Variants in STAT6 observed in about 807,000 individuals in gnomAD.
The protein encoded by STAT6 is signal transducer and activator of transcription 6, also known as STAT, interleukin4-induced.
In STAT6, 45 loss-of-function variants were observed where a neutral mutation model predicts 106.3. The observed-to-expected ratio is 0.42, with a 90% CI of 0.33 to 0.54. The LOEUF is 0.54. STAT6 is among the 20% of genes least tolerant of loss of function. The pLI is 0.06. For missense variants in STAT6, 797 were observed against 1,062.2 expected, an observed-to-expected ratio of 0.75 and a Z score of 3.47; for synonymous variants, 413 against 413.6, an observed-to-expected ratio of 1.00 and a Z score of 0.02.
At chr12:57,097,218 C>G in intron 19 of STAT6, 85 bp from the exon 20 acceptor site, 1 of 1,126,010 alleles carries the variant, frequency 8.9e-7, no homozygotes, top group Non-Finnish European at 1.2e-6. Flanking sequence ...AGTGAGGAAA[C>G]AAGCTCCAGC....
chr12:57,097,991 G>A (rs73118432), intron 19 of STAT6, among the ~76,000 whole-genome samples: 13,719 of 152,080 alleles, frequency 0.09, 634 homozygotes, highest in East Asian at 0.16. Flanking sequence ...CATGCTGCTC[G>A]GGTTTAAAGC....
In STAT6 at chr12:57,098,592, T is replaced by C; in HGVS notation, c.2072A>G (p.Gln691Arg). Residue 691 changes from glutamine (Q) to arginine (R), a missense_variant, in exon 19 of 22, where the codon CAG becomes CGG. Coordinates refer to ENST00000300134, the MANE Select transcript of STAT6 (RefSeq NM_003153.5). ...SMQLGPDMVP[Q>R]VYPPHSHSIP... ...GGAGTGAGAGTGTGGTGGGTACACC[T>C]GGGGCCTGGGGAAAGAAAACAGACC... is the stretch of plus-strand genomic sequence containing the variant. 6.2e-7 allele frequency: 1 copy of C among 1,613,232 alleles called. No homozygotes were observed.
chr12:57,100,469 C>T (rs950183926), intron 13 of STAT6, among the ~76,000 whole-genome samples: 6 of 151,988 alleles, frequency 3.9e-5, no homozygotes, highest in African/African-American at 1.5e-4. Context: ...CTATGCTACA[C>T]CCTCTCCCTA....
At chr12:57,107,030 C>T (rs1163284153) in intron 4 of STAT6, among the ~76,000 whole-genome samples, 199 bp from the exon 5 acceptor site, 3 of 152,210 alleles carry the variant, frequency 2.0e-5, no homozygotes, top group Admixed American at 6.5e-5. Flanking sequence ...CTGTTCTCCC[C>T]GGCCTCTTAC....
chr12:57,102,209 C>G lies in STAT6; in HGVS notation c.1512+81G>C. 3 of 1,475,240 alleles carry G rather than the reference C, an allele frequency of 2.0e-6. No homozygotes were observed. The South Asian group carries it at 3.5e-5, about 17-fold the overall frequency. 91.4% of individuals were successfully genotyped at this position (1,475,240 alleles called of 1,614,324 possible). ...CTGTGGAGAATCCAGTGGAAGGTCC[C>G]TGCATGGAGGCTGAGCAGGCCCTGA... is the stretch of plus-strand genomic sequence containing the variant. On this transcript the variant is annotated intron_variant, in intron 13 of 21. Coordinates refer to ENST00000300134, the MANE Select transcript of STAT6 (RefSeq NM_003153.5).
Position 57,104,597 on chromosome 12 carries a change from G to C in STAT6, c.1090-11C>G. 6.2e-7 allele frequency: 1 copy of C among 1,613,904 alleles called. No individual in the cohort carries two copies. Among genetic ancestry groups the C allele is most frequent in the Non-Finnish European group, 8.5e-7 (1 of 1,179,900 alleles). On this transcript the variant is annotated splice_polypyrimidine_tract_variant and intron_variant, in intron 10 of 21. Coordinates refer to ENST00000300134, the MANE Select transcript of STAT6 (RefSeq NM_003153.5). The stretch of plus-strand genomic sequence containing the variant: ...GATCTTCTTGAGAAGCTGTGGGTGG[G>C]GTGAGGGAGAGCAAGGGCGAGGTCA...
intron 13 of STAT6, among the ~76,000 whole-genome samples, chr12:57,100,686 A>G (rs909624287): frequency 1.1e-4 from 6 of 56,026 alleles, no homozygotes; most frequent in African/African-American, 3.7e-4. Flanking sequence ...GAAAGAAAGA[A>G]AGAAAGAAAG....
At position 57,106,480 on chromosome 12, in the gene STAT6, T is replaced by A. The variant is rs112724164; in HGVS notation, c.531+48A>T. On this transcript the variant is annotated intron_variant, in intron 6 of 21. Transcript: ENST00000300134. Reference sequence around the variant, plus strand: ...CTTTCTGAGGTCTAGCTTCCATCCCTCCAGCTGCACTTTGACCAAGGTCTC... The same window carrying A: ...CTTTCTGAGGTCTAGCTTCCATCCCACCAGCTGCACTTTGACCAAGGTCTC... The A allele has an allele frequency of 5.2e-5, 84 of 1,612,138 alleles. 1 individual carries two copies. In the African/African-American group the frequency reaches 7.6e-4, roughly 15 times the overall value.
In STAT6 at chr12:57,106,231, C is replaced by T; in HGVS notation, c.640G>A (p.Gly214Ser). The T allele has an allele frequency of 6.2e-7, 1 of 1,614,238 alleles. No homozygotes were observed. The highest frequency in any genetic ancestry group is 8.5e-7 in the Non-Finnish European group (1 of 1,180,042). ...WKRQQQLAGN[G>S]APFEESLAPL... The stretch of plus-strand genomic sequence containing the variant: ...GCCAGGCTCTCCTCAAACGGTGCGC[C>T]ATTCCCTGCCAGCTGCTGCTGCCGT... The change falls in exon 7 of 22, where the codon GGC becomes AGC. Residue 214 changes from glycine to serine, a missense_variant. Physicochemically the swap from Gly to Ser is moderately conservative, Grantham distance 56 (BLOSUM62 0). Coordinates refer to ENST00000300134, the MANE Select transcript of STAT6 (RefSeq NM_003153.5).
chr12:57,108,370 G>A, intron 1 of STAT6, 71 bp from the exon 2 acceptor site: 1 of 799,554 alleles, frequency 1.3e-6, no homozygotes. Context: ...GGCAGCCAGG[G>A]ACCTCCCATA....
rs1361053966 is a variant in STAT6, at chr12:57,099,955, C to T, written c.1607+41G>A. The T allele has an allele frequency of 6.2e-7, 1 of 1,614,152 alleles. No homozygotes were observed. The highest frequency in any genetic ancestry group is 8.5e-7 in the Non-Finnish European group (1 of 1,180,014). On this transcript the variant is annotated intron_variant, in intron 14 of 21. Transcript: ENST00000300134. This position sits in a 1 kb window ranked among gnomAD's most constrained non-coding sequence, Gnocchi z 4.7. Reference sequence around the variant, plus strand: ...GCATGGGCAGTGAGTATGGAGGTGACTGGTGTATGGCTGCTCAGACTACCC... The same window carrying T: ...GCATGGGCAGTGAGTATGGAGGTGATTGGTGTATGGCTGCTCAGACTACCC...
intron 11 of STAT6, 159 bp downstream of exon 11, chr12:57,104,305 G>A: frequency 9.7e-7 from 1 of 1,033,522 alleles, no homozygotes; most frequent in Non-Finnish European, 1.4e-6. Flanking sequence ...TGCACTCCAT[G>A]CTCTTGCTCA....
rs569128886 is a variant in STAT6, at chr12:57,097,689, C to T, written c.2160-556G>A. On this transcript the variant is annotated intron_variant, in intron 19 of 21. Transcript: ENST00000300134. ...CTGTAATCCTAACGCTTTGGGAGGC[C>T]GAGGTGGGAGGATCACTTAAGCCCA... 5.9e-5 allele frequency among the ~76,000 whole-genome samples: 9 copies of T among 152,150 alleles called. No individual in the cohort carries two copies. The South Asian group carries it at 6.2e-4, about 11-fold the overall frequency.
In STAT6 at chr12:57,096,459, G is replaced by GA; in HGVS notation, c.*112dup. 9.6e-7 allele frequency: 1 copy of GA among 1,040,416 alleles called. No homozygotes were observed. Among genetic ancestry groups the GA allele is most frequent in the Admixed American group, 2.5e-5 (1 of 39,574 alleles). The allele number at this position is 1,040,416 out of a possible 1,614,324, so 64.4% of individuals were successfully genotyped here. On this transcript the variant is annotated 3_prime_UTR_variant, in exon 22 of 22. Coordinates refer to ENST00000300134, the MANE Select transcript of STAT6 (RefSeq NM_003153.5). The stretch of plus-strand genomic sequence containing the variant: ...TCCTCCTGACCCAGGAGTAGGTGGG[G>GA]ATAGGAGGGCACCCTCCCCATCTGC...
chr12:57,102,330 G>C lies in STAT6; in HGVS notation c.1472C>G (p.Ala491Gly). The C allele has an allele frequency of 6.2e-7, 1 of 1,614,150 alleles. No individual in the cohort carries two copies. Among genetic ancestry groups the C allele is most frequent in the Non-Finnish European group, 8.5e-7 (1 of 1,180,014 alleles). ...IFNDNSLSME[A>G]FQHRSVSWSQ... Reference sequence around the variant, plus strand: ...CCAGGACACAGAACGGTGCTGGAAGGCCTCCATACTGAGGCTGTTGTCATT... The same window carrying C: ...CCAGGACACAGAACGGTGCTGGAAGCCCTCCATACTGAGGCTGTTGTCATT... Residue 491 changes from alanine (A) to glycine (G), a missense_variant, in exon 13 of 22, where the codon GCC becomes GGC. Physicochemically the swap from Ala to Gly is moderately conservative, Grantham distance 60 (BLOSUM62 0). Around this residue, in one of 4 missense-constraint regions of STAT6, gnomAD observed 222 missense variants for 354.6 expected, o/e 0.63. Transcript: ENST00000300134.
In STAT6 at chr12:57,107,307, T is replaced by C; in HGVS notation, c.263A>G (p.Tyr88Cys). The C allele has an allele frequency of 6.2e-7, 1 of 1,614,052 alleles. No individual in the cohort carries two copies. Among genetic ancestry groups the C allele is most frequent in the Non-Finnish European group, 8.5e-7 (1 of 1,179,884 alleles). ...CACCAGCTTCAGGGGGTCCCTCTGA[T>C]ATATGCTCTACAGAAATGAGGGTGG... ...LQHISTLESI[Y>C]QRDPLKLVAT... The change falls in exon 4 of 22, where the codon TAT (tyrosine) becomes TGT (cysteine). Residue 88 changes from tyrosine (Y) to cysteine (C), a missense_variant. Transcript: ENST00000300134.
chr12:57,106,891 C>T, intron 4 of STAT6, 60 bp from the exon 5 acceptor site: 1 of 1,601,806 alleles, frequency 6.2e-7, no homozygotes, highest in Non-Finnish European at 8.5e-7. Context: ...CTATACCTGG[C>T]CTCCACTCTC....
Position 57,096,929 on chromosome 12 carries a change from G to A in STAT6, c.2275C>T (p.Pro759Ser). 1 of 1,614,182 alleles carries A rather than the reference G, an allele frequency of 6.2e-7. No homozygotes were observed. The highest frequency in any genetic ancestry group is 8.5e-7 in the Non-Finnish European group (1 of 1,180,032). Residue 759 changes from proline (P) to serine (S), a missense_variant, in exon 21 of 22, where the codon CCC becomes TCC. This residue lies in a region of STAT6 where 226 missense variants were observed against 236.7 expected (regional missense o/e 0.95). Transcript: ENST00000300134. Reference sequence around the variant, plus strand: ...ATGGTCACATCTGAGCAGAGCAGGGGGTCAGGGCTGGACACAGCATGCTCC... The same window carrying A: ...ATGGTCACATCTGAGCAGAGCAGGGAGTCAGGGCTGGACACAGCATGCTCC... ...PQEHAVSSPD[P>S]LLCSDVTMVE...
chr12:57,105,694 G>A, intron 7 of STAT6, 95 bp from the exon 8 acceptor site: 2 of 1,482,958 alleles, frequency 1.3e-6, no homozygotes, highest in Non-Finnish European at 9.0e-7. Context: ...AGGCTATCAT[G>A]TGTGGAGAAG....
Sources: gnomAD v4.1 joint callset for allele counts (sites outside exome capture counted in the v4.1 genomes callset) on GRCh38, gnomAD v4.1.1 for gene constraint, gnomAD v4.1.1 regional missense constraint, Gnocchi (gnomAD v3.1) non-coding constraint, MANE v1.5 for transcripts, NCBI Gene and HGNC (gene_info 2026-07-23, HGNC 2026-07-21) for gene names.